The following SYT9 variants were observed in gnomAD, a reference collection of about 807,000 sequenced individuals.
SYT9 encodes the protein synaptotagmin 9.
SYT9 carries 22 observed loss-of-function variants against 48.4 expected under a neutral mutation model. That is an observed-to-expected ratio of 0.45 (90% CI 0.32 to 0.65). The LOEUF is 0.65. Among genes scored for constraint, SYT9 ranks in the 30% least tolerant of loss-of-function variants. SYT9 has a pLI of 0.03. For synonymous variants in SYT9, 265 were observed against 245.0 expected (o/e 1.08, Z -0.76); for missense variants, 577 against 622.0 (o/e 0.93, Z 0.77).
chr11:7,367,206 C>T (rs7941269), intron 3 of SYT9, among the ~76,000 whole-genome samples: 36,376 of 147,348 alleles, frequency 0.25, 5,823 homozygotes, highest in East Asian at 0.63. Flanking sequence ...CTCAGCCTCC[C>T]GAGTAGCTGG....
At chr11:7,431,917 A>G (rs1251289976) in intron 6 of SYT9, among the ~76,000 whole-genome samples, 2 of 152,232 alleles carry the variant, frequency 1.3e-5, no homozygotes, top group African/African-American at 4.8e-5. Flanking sequence ...AGCCTGCTGC[A>G]GGGGTTGAGC....
At chr11:7,428,767 C>T (rs75792580) in intron 6 of SYT9, among the ~76,000 whole-genome samples, 393 of 152,084 alleles carry the variant, frequency 2.6e-3, no homozygotes, top group African/African-American at 8.6e-3. Flanking sequence ...CTCCATGTGA[C>T]GAGGGAGATG....
chr11:7,332,859 A>G (rs1849565206), intron 3 of SYT9, among the ~76,000 whole-genome samples: 1 of 152,244 alleles, frequency 6.6e-6, no homozygotes, highest in Non-Finnish European at 1.5e-5. Flanking sequence ...TGTCAAGGTC[A>G]GCAATTTCAT....
chr11:7,401,352 A>G (rs1047170503), intron 3 of SYT9, among the ~76,000 whole-genome samples: 71 of 151,090 alleles, frequency 4.7e-4, no homozygotes, highest in Non-Finnish European at 8.1e-4. Flanking sequence ...AAATATATAT[A>G]TGCAAATATT....
chr11:7,338,145 G>A (rs1211802926), intron 3 of SYT9, among the ~76,000 whole-genome samples: 2 of 152,154 alleles, frequency 1.3e-5, no homozygotes, highest in Non-Finnish European at 2.9e-5. Context: ...AAATGTGTGT[G>A]CGTAGAGGTG....
chr11:7,264,965 T>A (rs1226181796), intron 1 of SYT9, among the ~76,000 whole-genome samples: 2 of 152,052 alleles, frequency 1.3e-5, no homozygotes, highest in Admixed American at 1.3e-4. Flanking sequence ...AATATGAGAT[T>A]TAAAGCTGGG....
intron 6 of SYT9, among the ~76,000 whole-genome samples, chr11:7,436,739 G>A (rs1847718602): frequency 6.6e-6 from 1 of 152,210 alleles, no homozygotes; most frequent in African/African-American, 2.4e-5. Context: ...CAGACAAATT[G>A]AGGAGAGCAA....
At chr11:7,438,299 G>A (rs1226529522) in intron 6 of SYT9, 2 of 152,150 alleles carry the variant, frequency 1.3e-5, no homozygotes, top group African/African-American at 4.8e-5. Context: ...GCTTTGACCT[G>A]GAGATACGTG....
At chr11:7,285,849 C>T (rs186318462) in intron 1 of SYT9, among the ~76,000 whole-genome samples, 16 of 152,312 alleles carry the variant, frequency 1.1e-4, no homozygotes, top group Admixed American at 5.9e-4. Flanking sequence ...TGTCATTAAA[C>T]CTTAAAGTTC....
intron 6 of SYT9, among the ~76,000 whole-genome samples, chr11:7,445,169 T>C (rs1318089000): frequency 2.0e-5 from 3 of 152,152 alleles, no homozygotes; most frequent in Admixed American, 2.0e-4. Context: ...AATGAAAAAA[T>C]GAATGTAACA....
At chr11:7,443,740 T>G (rs1440316091) in intron 6 of SYT9, among the ~76,000 whole-genome samples, 1 of 152,260 alleles carries the variant, frequency 6.6e-6, no homozygotes, top group Non-Finnish European at 1.5e-5. Context: ...CACAGTCCAA[T>G]AGTGCAGGAG....
At chr11:7,450,974 A>G (rs1455015432) in intron 6 of SYT9, among the ~76,000 whole-genome samples, 1 of 152,256 alleles carries the variant, frequency 6.6e-6, no homozygotes, top group Admixed American at 6.5e-5. Context: ...TATTCAGCTC[A>G]CTTAACAATT....
intron 3 of SYT9, among the ~76,000 whole-genome samples, chr11:7,396,381 G>C (rs1228086480): frequency 6.6e-6 from 1 of 152,068 alleles, no homozygotes. Context: ...TTTGTGTCTG[G>C]CTTCTTTCAT....
At chr11:7,354,752 C>G (rs1373418554) in intron 3 of SYT9, among the ~76,000 whole-genome samples, 1 of 152,122 alleles carries the variant, frequency 6.6e-6, no homozygotes. Flanking sequence ...ACAGTTTGTT[C>G]TTAGGCTGGA....
At chr11:7,287,741 A>G (rs148077241) in intron 1 of SYT9, among the ~76,000 whole-genome samples, 1 of 152,308 alleles carries the variant, frequency 6.6e-6, no homozygotes, top group African/African-American at 2.4e-5. Flanking sequence ...TTATGACATG[A>G]TAAATAATGA....
chr11:7,452,012 G>GA (rs139654491), intron 6 of SYT9, among the ~76,000 whole-genome samples: 2 of 151,874 alleles, frequency 1.3e-5, no homozygotes, highest in African/African-American at 2.4e-5. Context: ...CAAAAGCAGA[G>GA]AAAAAATACA....
At chr11:7,316,439 A>G (rs1178357626) in intron 3 of SYT9, among the ~76,000 whole-genome samples, 3 of 152,126 alleles carry the variant, frequency 2.0e-5, no homozygotes, top group Non-Finnish European at 4.4e-5. Context: ...AACATTGATT[A>G]TGGCATTTAG....
chr11:7,412,106 A>G (rs938842621), intron 3 of SYT9, among the ~76,000 whole-genome samples: 3 of 151,966 alleles, frequency 2.0e-5, no homozygotes, highest in African/African-American at 7.2e-5. Context: ...AATTTTCTGT[A>G]TTGTTTTTCA....
rs558897006 is a variant in SYT9 at position 7,284,401 on chromosome 11, A to G, written c.146-18638A>G. ...GTACATTCTCAAGTAAATTTTTCAAAAGAGAAACATGGTATGTAAATGTTG... is the reference window on the plus strand; with the variant it reads ...GTACATTCTCAAGTAAATTTTTCAAGAGAGAAACATGGTATGTAAATGTTG... On this transcript the variant is annotated intron_variant, in intron 1 of 6. Transcript: ENST00000318881. Among the ~76,000 whole-genome samples, 92 of 152,302 alleles carry G rather than the reference A, an allele frequency of 6.0e-4. 1 individual carries two copies. The highest frequency in any genetic ancestry group is 2.2e-3 in the African/African-American group (90 of 41,574).
Sources: allele counts gnomAD v4.1 joint callset (sites outside exome capture counted in the v4.1 genomes callset), GRCh38; gene constraint gnomAD v4.1.1; transcripts MANE v1.5; gene names NCBI Gene and HGNC (gene_info 2026-07-23, HGNC 2026-07-21).